ARHGAP15: variants seen among roughly 807,000 people sequenced by gnomAD.
ARHGAP15 encodes the protein Rho GTPase activating protein 15.
Under a neutral mutation model 63.7 loss-of-function variants are expected in ARHGAP15, and 51 were observed. That is an observed-to-expected ratio of 0.80 (90% CI 0.64 to 1.01). The LOEUF (loss-of-function observed/expected upper bound fraction) is 1.01. ARHGAP15 is among the 50% of genes least tolerant of loss of function. ARHGAP15 has a pLI of 0.00. For synonymous variants in ARHGAP15, 191 were observed against 193.8 expected, an observed-to-expected ratio of 0.99 and a Z score of 0.12; for missense variants, 560 against 564.6, an observed-to-expected ratio of 0.99 and a Z score of 0.08.
intron 11 of ARHGAP15, among the ~76,000 whole-genome samples, chr2:143,566,885 T>C (rs1028300149): frequency 2.2e-5 from 3 of 138,694 alleles, no homozygotes; most frequent in Non-Finnish European, 4.6e-5. Flanking sequence ...AAAACTGCCT[T>C]GCTGCTGCTT....
chr2:143,679,152 A>C (rs1009737605), intron 12 of ARHGAP15, among the ~76,000 whole-genome samples: 2 of 152,100 alleles, frequency 1.3e-5, no homozygotes, highest in Non-Finnish European at 2.9e-5. Context: ...AAAAAAAAAA[A>C]ATATGCTGCA....
chr2:143,578,003 G>C (rs530001918), intron 11 of ARHGAP15, among the ~76,000 whole-genome samples: 2 of 152,312 alleles, frequency 1.3e-5, no homozygotes, highest in East Asian at 3.9e-4. Context: ...AGCAGTCTTT[G>C]AACGTGCTTA....
In ARHGAP15 at chr2:143,435,496, T is replaced by A; in HGVS notation, c.475-105T>A. ...TACTGGAATACAAGAAAATATTTCA[T>A]TTTATTAAACTGTGTTTTTTAAAAA... On this transcript the variant is annotated intron_variant, in intron 6 of 13. Coordinates refer to ENST00000295095, the MANE Select transcript of ARHGAP15 (RefSeq NM_018460.4). 2.2e-6 allele frequency: 3 copies of A among 1,351,240 alleles called. No individual in the cohort carries two copies. In the South Asian group the frequency reaches 5.5e-5, roughly 25 times the overall value. 83.7% of individuals were successfully genotyped at this position (1,351,240 alleles called of 1,614,324 possible).
At chr2:143,396,517 C>T (rs983632741) in intron 6 of ARHGAP15, among the ~76,000 whole-genome samples, 2 of 151,842 alleles carry the variant, frequency 1.3e-5, no homozygotes, top group Non-Finnish European at 2.9e-5. Context: ...TATGACAGAC[C>T]AAGTAAAGTG....
At chr2:143,494,536 T>A (rs1000762023) in intron 9 of ARHGAP15, among the ~76,000 whole-genome samples, 1 of 152,196 alleles carries the variant, frequency 6.6e-6, no homozygotes, top group Non-Finnish European at 1.5e-5. Flanking sequence ...TGTTGTTGTT[T>A]TGGAGTCTTG....
At chr2:143,381,346 A>G (rs1465823572) in intron 6 of ARHGAP15, among the ~76,000 whole-genome samples, 1 of 152,004 alleles carries the variant, frequency 6.6e-6, no homozygotes, top group Non-Finnish European at 1.5e-5. Context: ...ATCTTATTGG[A>G]TGTCTGCCAT....
intron 6 of ARHGAP15, among the ~76,000 whole-genome samples, chr2:143,333,582 C>CAAAAGT (rs1048562328): frequency 3.3e-5 from 5 of 152,118 alleles, no homozygotes; most frequent in African/African-American, 1.2e-4. Flanking sequence ...TGCTGAAACT[C>CAAAAGT]AAAAGTAAAT....
At chr2:143,244,324 T>A (rs1394467715) in intron 5 of ARHGAP15, among the ~76,000 whole-genome samples, 2 of 150,560 alleles carry the variant, frequency 1.3e-5, no homozygotes, top group Non-Finnish European at 3.0e-5. Context: ...CTAACAAGAG[T>A]TGTAACACAG....
intron 2 of ARHGAP15, among the ~76,000 whole-genome samples, chr2:143,183,591 G>A (rs1173537891): frequency 6.6e-6 from 1 of 152,006 alleles, no homozygotes; most frequent in Non-Finnish European, 1.5e-5. Context: ...TCACAAAGGG[G>A]GAATAAAAGT....
At chr2:143,385,019 C>T (rs1687219213) in intron 6 of ARHGAP15, among the ~76,000 whole-genome samples, 1 of 152,148 alleles carries the variant, frequency 6.6e-6, no homozygotes, top group Non-Finnish European at 1.5e-5. Flanking sequence ...AAGCCCTAGG[C>T]TACCATTTTA....
intron 6 of ARHGAP15, among the ~76,000 whole-genome samples, chr2:143,251,261 G>T (rs988966965): frequency 1.3e-5 from 2 of 151,838 alleles, no homozygotes; most frequent in African/African-American, 4.8e-5. Flanking sequence ...TTTGATTTTT[G>T]TTCTATTTTA....
intron 6 of ARHGAP15, among the ~76,000 whole-genome samples, chr2:143,274,253 T>C (rs1253585951): frequency 6.6e-6 from 1 of 152,184 alleles, no homozygotes; most frequent in African/African-American, 2.4e-5. Flanking sequence ...CTGGCTGTCT[T>C]TAAAGTTCAG....
chr2:143,736,254 G>A (rs1423040759), intron 13 of ARHGAP15, among the ~76,000 whole-genome samples: 6 of 152,038 alleles, frequency 3.9e-5, no homozygotes, highest in East Asian at 3.9e-4. Flanking sequence ...AAAATTAGCC[G>A]GGCATGGTGG....
At chr2:143,163,837 T>C (rs1162939077) in intron 2 of ARHGAP15, among the ~76,000 whole-genome samples, 4 of 152,046 alleles carry the variant, frequency 2.6e-5, no homozygotes, top group Non-Finnish European at 5.9e-5. Flanking sequence ...AAAATTTGTG[T>C]GTCTAAAAAT....
intron 6 of ARHGAP15, among the ~76,000 whole-genome samples, chr2:143,311,920 T>C (rs1434871190): frequency 2.6e-5 from 4 of 152,148 alleles, no homozygotes; most frequent in Non-Finnish European, 4.4e-5. Context: ...GGAATGGCAA[T>C]GCGCCTCAAG....
chr2:143,532,045 G>A (rs952808787), intron 10 of ARHGAP15, among the ~76,000 whole-genome samples: 1 of 152,180 alleles, frequency 6.6e-6, no homozygotes, highest in Non-Finnish European at 1.5e-5. Context: ...TGAAATGAAG[G>A]CTGATATGTA....
intron 11 of ARHGAP15, among the ~76,000 whole-genome samples, chr2:143,598,557 A>C (rs918135513): frequency 6.6e-6 from 1 of 152,170 alleles, no homozygotes; most frequent in Non-Finnish European, 1.5e-5. Flanking sequence ...ATATAGCCAC[A>C]TTATACCTTA....
chr2:143,553,212 A>G (rs911990098), intron 10 of ARHGAP15, among the ~76,000 whole-genome samples: 1 of 152,186 alleles, frequency 6.6e-6, no homozygotes, highest in Non-Finnish European at 1.5e-5. Context: ...ATTCACTGAT[A>G]TGTTCCAGAT....
chr2:143,276,341 G>A (rs1681548018), intron 6 of ARHGAP15, among the ~76,000 whole-genome samples: 1 of 152,030 alleles, frequency 6.6e-6, no homozygotes, highest in South Asian at 2.1e-4. Context: ...CTGTTTTCTT[G>A]TTTAAATGAA....
Sources: allele counts gnomAD v4.1 joint callset (sites outside exome capture counted in the v4.1 genomes callset), GRCh38; gene constraint gnomAD v4.1.1; transcripts MANE v1.5; gene names NCBI Gene and HGNC (gene_info 2026-07-23, HGNC 2026-07-21).